The following CADPS variants were observed in gnomAD, a reference collection of about 807,000 sequenced individuals.
CADPS encodes the protein calcium dependent secretion activator.
In CADPS, 57 loss-of-function variants were observed where a neutral mutation model predicts 167.3. The observed-to-expected ratio is 0.34, with a 90% CI of 0.28 to 0.42. The LOEUF (loss-of-function observed/expected upper bound fraction) is 0.42. Among genes scored for constraint, CADPS ranks in the 20% least tolerant of loss-of-function variants. CADPS has a pLI of 1.00. For missense variants in CADPS, 1,414 were observed against 1,738.1 expected, an observed-to-expected ratio of 0.81 and a Z score of 3.32; for synonymous variants, 676 against 635.3, an observed-to-expected ratio of 1.06 and a Z score of -0.96.
chr3:62,552,458 C>A (rs2152286359), intron 10 of CADPS, among the ~76,000 whole-genome samples: 1 of 152,278 alleles, frequency 6.6e-6, no homozygotes. Flanking sequence ...TCAACATATT[C>A]TAGAAACCTG....
chr3:62,493,626 G>T lies in CADPS; in HGVS notation c.2727+19C>A. 1 of 1,551,212 alleles carries T rather than the reference G, an allele frequency of 6.4e-7. No homozygotes were observed. Among genetic ancestry groups the T allele is most frequent in the Non-Finnish European group, 8.7e-7 (1 of 1,145,190 alleles). Reference sequence around the variant, plus strand: ...TAGGGGTCCACCTCTCTTCTTTCACGAGATTTCACTTTACTTACTTCTCCT... The same window carrying T: ...TAGGGGTCCACCTCTCTTCTTTCACTAGATTTCACTTTACTTACTTCTCCT... On this transcript the variant is annotated intron_variant, in intron 19 of 29. Coordinates refer to ENST00000383710, the MANE Select transcript of CADPS (RefSeq NM_003716.4).
chr3:62,493,542 G>A, intron 19 of CADPS, 103 bp downstream of exon 19: 2 of 835,014 alleles, frequency 2.4e-6, no homozygotes, highest in Non-Finnish European at 3.8e-6. Context: ...CAATGGCCAA[G>A]CTCTTCTGTG....
At chr3:62,805,871 C>T (rs1426123091) in intron 1 of CADPS, among the ~76,000 whole-genome samples, 1 of 152,106 alleles carries the variant, frequency 6.6e-6, no homozygotes, top group Admixed American at 6.6e-5. Context: ...AGCATTTTGG[C>T]ACTTCTCTAT....
In CADPS at chr3:62,576,453, AT is replaced by A. The variant is rs576282909; in HGVS notation, c.1578-5516del. Among the ~76,000 whole-genome samples the A allele has an allele frequency of 1.4e-3, 206 of 152,130 alleles. 1 individual carries two copies. Among genetic ancestry groups the A allele is most frequent in the African/African-American group, 4.7e-3 (194 of 41,488 alleles). ...CTCACTGGCACGTGGTAAGGGCTGGATAAGTATTATTGTTATTGTTGTTATG... is the reference window on the plus strand; with the variant it reads ...CTCACTGGCACGTGGTAAGGGCTGGAAAGTATTATTGTTATTGTTGTTATG... On this transcript the variant is annotated intron_variant, in intron 8 of 29. Transcript: ENST00000383710.
intron 11 of CADPS, among the ~76,000 whole-genome samples, chr3:62,540,004 C>G (rs1159601850): frequency 2.0e-5 from 3 of 152,076 alleles, no homozygotes; most frequent in African/African-American, 7.2e-5. Context: ...TTGAGAGGAT[C>G]TGAAGAGAAG....
chr3:62,608,523 C>A (rs930914949), intron 6 of CADPS, among the ~76,000 whole-genome samples: 1 of 152,084 alleles, frequency 6.6e-6, no homozygotes, highest in Non-Finnish European at 1.5e-5. Flanking sequence ...AAGTGATTCA[C>A]CCACCTCGGC....
chr3:62,547,733 T>G (rs2076735330), intron 11 of CADPS, among the ~76,000 whole-genome samples: 1 of 152,022 alleles, frequency 6.6e-6, no homozygotes, highest in Non-Finnish European at 1.5e-5. Flanking sequence ...ACAACTAGTG[T>G]TCTAATTTCA....
intron 1 of CADPS, among the ~76,000 whole-genome samples, chr3:62,830,504 C>A (rs1229431894): frequency 6.6e-6 from 1 of 152,072 alleles, no homozygotes; most frequent in Non-Finnish European, 1.5e-5. Flanking sequence ...CTTTGTTCTC[C>A]TTGTTTTTCT....
At chr3:62,570,729 GTGGTTACA>G (rs1169147526) in intron 9 of CADPS, 135 bp downstream of exon 9, 20 of 679,490 alleles carry the variant, frequency 2.9e-5, no homozygotes, top group Non-Finnish European at 5.0e-5. Context: ...CCTCTGAATG[GTGGTTACA>G]TGGATATATG....
intron 9 of CADPS, among the ~76,000 whole-genome samples, chr3:62,562,690 C>T (rs977445532): frequency 6.6e-6 from 1 of 152,206 alleles, no homozygotes; most frequent in Non-Finnish European, 1.5e-5. Flanking sequence ...CCTCCCACAA[C>T]TGAATCCTGG....
chr3:62,457,848 C>T (rs1003511918), intron 26 of CADPS, among the ~76,000 whole-genome samples: 1 of 152,144 alleles, frequency 6.6e-6, no homozygotes, highest in Non-Finnish European at 1.5e-5. Context: ...GAAAACCAAA[C>T]ACCGCGTTTT....
chr3:62,552,605 C>T (rs1159969494), intron 10 of CADPS, among the ~76,000 whole-genome samples: 2 of 152,282 alleles, frequency 1.3e-5, no homozygotes, highest in South Asian at 4.1e-4. Flanking sequence ...CCAGTGAGGT[C>T]CAGCCAGTAA....
intron 18 of CADPS, among the ~76,000 whole-genome samples, chr3:62,493,877 T>C (rs935550179): frequency 6.6e-6 from 1 of 152,206 alleles, no homozygotes; most frequent in Non-Finnish European, 1.5e-5. Flanking sequence ...TGTTTTTGAA[T>C]GTAGCCTATA....
chr3:62,692,847 G>T (rs1324346054), intron 3 of CADPS, among the ~76,000 whole-genome samples: 1 of 151,928 alleles, frequency 6.6e-6, no homozygotes, highest in Non-Finnish European at 1.5e-5. Flanking sequence ...TGACATCTTT[G>T]TTATGTAAAG....
intron 3 of CADPS, among the ~76,000 whole-genome samples, chr3:62,730,172 T>A (rs1364307125): frequency 6.7e-6 from 1 of 149,596 alleles, no homozygotes; most frequent in East Asian, 1.9e-4. Flanking sequence ...GTTGTTGCTA[T>A]GGCATATCTG....
intron 29 of CADPS, among the ~76,000 whole-genome samples, chr3:62,400,998 T>G (rs1205574945): frequency 6.6e-6 from 1 of 152,192 alleles, no homozygotes; most frequent in East Asian, 1.9e-4. Flanking sequence ...ACTACAGAGT[T>G]AATGAGTGAA....
At chr3:62,834,538 C>G (rs1263256676) in intron 1 of CADPS, among the ~76,000 whole-genome samples, 1 of 152,130 alleles carries the variant, frequency 6.6e-6, no homozygotes, top group Non-Finnish European at 1.5e-5. Flanking sequence ...ACCAGCTGAA[C>G]CATGGGTAAG....
intron 2 of CADPS, among the ~76,000 whole-genome samples, chr3:62,755,437 C>T (rs781152621): frequency 3.7e-4 from 56 of 152,164 alleles, no homozygotes; most frequent in Non-Finnish European, 3.8e-4. Context: ...GTTTGAGCTG[C>T]GTCCTGGTCA....
intron 3 of CADPS, among the ~76,000 whole-genome samples, chr3:62,664,369 T>C (rs963361060): frequency 6.6e-6 from 1 of 152,194 alleles, no homozygotes; most frequent in Non-Finnish European, 1.5e-5. Context: ...TCATAGAACA[T>C]GAGTTGGAAA....
Sources: gnomAD v4.1 joint callset for allele counts (sites outside exome capture counted in the v4.1 genomes callset) on GRCh38, gnomAD v4.1.1 for gene constraint, MANE v1.5 for transcripts, NCBI Gene and HGNC (gene_info 2026-07-23, HGNC 2026-07-21) for gene names.